DYM: variants seen among roughly 807,000 people sequenced by gnomAD.
DYM encodes the protein dyggve-Melchior-Clausen syndrome protein.
DYM carries 78 observed loss-of-function variants against 93.1 expected under a neutral mutation model. The observed-to-expected ratio is 0.84, with a 90% confidence interval of 0.70 to 1.01. DYM has a LOEUF of 1.01. Ranked by LOEUF, DYM falls within the 50% of genes least tolerant of loss-of-function variation. DYM has a pLI of 0.00. For missense variants in DYM, 789 were observed against 845.0 expected, an observed-to-expected ratio of 0.93 and a Z score of 0.82; for synonymous variants, 321 against 319.7, an observed-to-expected ratio of 1.00 and a Z score of -0.04.
chr18:49,096,717 A>G (rs1237332965), intron 17 of DYM, among the ~76,000 whole-genome samples: 2 of 152,232 alleles, frequency 1.3e-5, no homozygotes, highest in Non-Finnish European at 2.9e-5. Flanking sequence ...TCAGGAATAC[A>G]TCTATCAAAC....
chr18:49,421,103 G>A (rs1223745602), intron 2 of DYM, among the ~76,000 whole-genome samples: 1 of 152,156 alleles, frequency 6.6e-6, no homozygotes. Context: ...GCAGCAGAAA[G>A]TTCTGCAGAC....
At chr18:49,092,209 CA>C in intron 17 of DYM, among the ~76,000 whole-genome samples, 1 of 152,186 alleles carries the variant, frequency 6.6e-6, no homozygotes, top group Non-Finnish European at 1.5e-5. Flanking sequence ...ATTAATACAG[CA>C]GAGAGAAATA....
intron 14 of DYM, among the ~76,000 whole-genome samples, chr18:49,190,176 G>T (rs2090835623): frequency 6.6e-6 from 1 of 152,194 alleles, no homozygotes; most frequent in Non-Finnish European, 1.5e-5. Flanking sequence ...GAAAAATTCA[G>T]AGGCTATTGT....
chr18:49,303,810 A>G (rs548910941), intron 8 of DYM, among the ~76,000 whole-genome samples: 1 of 152,374 alleles, frequency 6.6e-6, no homozygotes, highest in Admixed American at 6.5e-5. Context: ...CCAACTTAAT[A>G]TTAATTTACT....
chr18:49,457,737 T>G (rs1052707923), intron 1 of DYM, among the ~76,000 whole-genome samples: 2 of 152,216 alleles, frequency 1.3e-5, no homozygotes, highest in African/African-American at 4.8e-5. Context: ...GAAAAGAGAC[T>G]TTGCAGGCGT....
chr18:49,164,404 C>A (rs191706315), intron 14 of DYM, among the ~76,000 whole-genome samples: 1 of 152,094 alleles, frequency 6.6e-6, no homozygotes, highest in East Asian at 1.9e-4. Flanking sequence ...GATTATAATC[C>A]CTAACAAAAG....
At chr18:49,363,019 G>C in intron 6 of DYM, 142 bp downstream of exon 6, 1 of 695,592 alleles carries the variant, frequency 1.4e-6, no homozygotes, top group African/African-American at 1.8e-5. Context: ...TAGGTAGAGA[G>C]AAAAGAACTC....
intron 14 of DYM, among the ~76,000 whole-genome samples, chr18:49,194,956 G>A (rs886612858): frequency 1.3e-5 from 2 of 152,044 alleles, no homozygotes; most frequent in Non-Finnish European, 2.9e-5. Context: ...ACTTTTTGGG[G>A]GAGTGAGTGG....
At chr18:49,179,849 A>G (rs1323309107) in intron 14 of DYM, among the ~76,000 whole-genome samples, 1 of 152,078 alleles carries the variant, frequency 6.6e-6, no homozygotes, top group African/African-American at 2.4e-5. Flanking sequence ...CAGCACCATC[A>G]TTTCCACTTA....
At chr18:49,102,589 C>T (rs991078463) in intron 16 of DYM, among the ~76,000 whole-genome samples, 1 of 152,084 alleles carries the variant, frequency 6.6e-6, no homozygotes, top group Non-Finnish European at 1.5e-5. Flanking sequence ...ACAACAGGCC[C>T]CAGTGTGTGA....
chr18:49,374,092 G>GA (rs2147588678), intron 5 of DYM, among the ~76,000 whole-genome samples: 1 of 152,282 alleles, frequency 6.6e-6, no homozygotes, highest in African/African-American at 2.4e-5. Context: ...CACAAGCTCT[G>GA]AAAATCATGC....
At chr18:49,060,808 C>T (rs921713927) in intron 17 of DYM, among the ~76,000 whole-genome samples, 53 of 148,920 alleles carry the variant, frequency 3.6e-4, no homozygotes, top group Admixed American at 3.2e-3. Context: ...AGAGAGAGAC[C>T]GTGAAAAGTA....
chr18:49,437,992 C>G lies in DYM; in HGVS notation c.-53-7545G>C, dbSNP rs371441853. On this transcript the variant is annotated intron_variant, in intron 1 of 17. Transcript: ENST00000675505. ...GGAGGATTGCTTGAGCCCAGGAGTA[C>G]GAGGCCAGCCTGGGCAAGACCCCAT... 1.4e-3 allele frequency among the ~76,000 whole-genome samples: 217 copies of G among 152,140 alleles called. 2 individuals are homozygous for G. Among genetic ancestry groups the G allele is most frequent in the African/African-American group, 4.8e-3 (200 of 41,502 alleles).
intron 5 of DYM, among the ~76,000 whole-genome samples, chr18:49,370,296 A>T (rs1163828427): frequency 1.4e-5 from 2 of 144,488 alleles, no homozygotes; most frequent in East Asian, 2.0e-4. Flanking sequence ...AAAAAAAAAA[A>T]AAACAAAACA....
At chr18:49,069,285 C>G (rs1481571896) in intron 17 of DYM, among the ~76,000 whole-genome samples, 1 of 152,176 alleles carries the variant, frequency 6.6e-6, no homozygotes, top group East Asian at 1.9e-4. Context: ...AAAAAGAAAA[C>G]TAACCTGCTA....
chr18:49,363,270 G>C lies in DYM; in HGVS notation c.422-37C>G, dbSNP rs1311912930. On this transcript the variant is annotated intron_variant, in intron 5 of 17. Transcript: ENST00000675505. ...CATAAAAAGATTTTTTTTTAACAAA[G>C]TACACAGTAGAATACAGTTGTTCAG... 2.8e-6 allele frequency: 4 copies of C among 1,418,572 alleles called. No homozygotes were observed. In the South Asian group the frequency reaches 4.6e-5, roughly 16 times the overall value. 87.9% of individuals were successfully genotyped at this position (1,418,572 alleles called of 1,614,324 possible). A position where few individuals can be genotyped will look rare whatever the true frequency, so the allele number is the denominator to read the frequency against.
At chr18:49,238,989 A>C (rs2093953507) in intron 13 of DYM, among the ~76,000 whole-genome samples, 1 of 152,192 alleles carries the variant, frequency 6.6e-6, no homozygotes, top group Admixed American at 6.5e-5. Context: ...CCAGCCTGCC[A>C]CACTGCCACA....
chr18:49,409,290 AAAAAAAAAAG>A (rs2071917834), intron 2 of DYM, among the ~76,000 whole-genome samples: 1 of 151,534 alleles, frequency 6.6e-6, no homozygotes, highest in Non-Finnish European at 1.5e-5. Flanking sequence ...TCTCAAAAAA[AAAAAAAAAAG>A]AAAAAAAAGA....
intron 17 of DYM, among the ~76,000 whole-genome samples, chr18:49,080,425 C>T (rs867347800): frequency 7.8e-4 from 82 of 104,844 alleles, no homozygotes; most frequent in African/African-American, 2.8e-3. Context: ...GTGGCTGGCC[C>T]GGCAGAGGGG....
Sources: gnomAD v4.1 joint callset for allele counts (sites outside exome capture counted in the v4.1 genomes callset) on GRCh38, gnomAD v4.1.1 for gene constraint, MANE v1.5 for transcripts, NCBI Gene and HGNC (gene_info 2026-07-23, HGNC 2026-07-21) for gene names.